ANKRD45: variants seen among roughly 807,000 people sequenced by gnomAD.
The protein encoded by ANKRD45 is ankyrin repeat domain-containing protein 45.
ANKRD45 carries 21 observed loss-of-function variants against 28.1 expected under a neutral mutation model. The ratio of observed to expected loss-of-function variants is 0.75; its 90% confidence interval spans 0.53 to 1.08. ANKRD45 has a LOEUF of 1.08. ANKRD45 is among the 50% of genes least tolerant of loss of function. ANKRD45 has a pLI of 0.00. For synonymous variants in ANKRD45, 86 were observed against 103.9 expected (o/e 0.83, Z 1.05); for missense variants, 261 against 308.7 (o/e 0.85, Z 1.16).
chr1:173,625,508 T>C (rs1260062322), intron 4 of ANKRD45, among the ~76,000 whole-genome samples: 2 of 152,162 alleles, frequency 1.3e-5, no homozygotes, highest in Non-Finnish European at 2.9e-5. Flanking sequence ...ATCGCACATA[T>C]GCAGCAAATT....
chr1:173,644,950 G>A (rs532600124), intron 3 of ANKRD45, among the ~76,000 whole-genome samples: 14 of 149,646 alleles, frequency 9.4e-5, no homozygotes, highest in African/African-American at 3.2e-4. Context: ...TCAAGATCAC[G>A]TCATTGTACT....
At chr1:173,698,002 A>G in the ANKRD45 span, among the ~76,000 whole-genome samples, 1 of 152,194 alleles carries the variant, frequency 6.6e-6, no homozygotes, top group South Asian at 2.1e-4. Flanking sequence ...AAAAAAAAAA[A>G]GCAGGAGTTG....
At chr1:173,691,366 A>C in the ANKRD45 span, among the ~76,000 whole-genome samples, 9 of 152,196 alleles carry the variant, frequency 5.9e-5, no homozygotes, top group African/African-American at 2.2e-4. Flanking sequence ...TGAACCAGAG[A>C]CCGTCCCCAG....
chr1:173,611,572 T>TACATAC (rs1164331024), intron 5 of ANKRD45, among the ~76,000 whole-genome samples: 1 of 106,312 alleles, frequency 9.4e-6, no homozygotes, highest in Non-Finnish European at 1.8e-5. Context: ...GCCTAATACA[T>TACATAC]ACATACACAC....
intron 4 of ANKRD45, among the ~76,000 whole-genome samples, chr1:173,626,572 C>A (rs999769826): frequency 1.3e-5 from 2 of 152,082 alleles, no homozygotes; most frequent in Non-Finnish European, 2.9e-5. Context: ...AGTCCAGAAC[C>A]AGAACACTAC....
At chr1:173,664,679 A>G (rs554498821) in intron 1 of ANKRD45, among the ~76,000 whole-genome samples, 82 of 152,262 alleles carry the variant, frequency 5.4e-4, no homozygotes, top group East Asian at 2.7e-3. Context: ...ACCAAATATG[A>G]TATTATATTA....
At chr1:173,710,519 A>G in the ANKRD45 span, among the ~76,000 whole-genome samples, 1 of 152,130 alleles carries the variant, frequency 6.6e-6, no homozygotes, top group South Asian at 2.1e-4. Flanking sequence ...CGCATGTGCA[A>G]TGGCCTGCTA....
chr1:173,613,541 CGGGAGGGAGGTGGGGGGTCAG>C (rs1667302620), intron 5 of ANKRD45, among the ~76,000 whole-genome samples: 1 of 136,294 alleles, frequency 7.3e-6, no homozygotes, highest in African/African-American at 3.2e-5. Flanking sequence ...CCGCCCCGTC[CGGGAGGGAGGTGGGGGGTCAG>C]CCCCCCCCCC....
Position 173,624,893 on chromosome 1 carries a change from A to C in ANKRD45, c.624T>G (p.Asn208Lys). 6.2e-7 allele frequency: 1 copy of C among 1,613,652 alleles called. No individual in the cohort carries two copies. Among genetic ancestry groups the C allele is most frequent in the South Asian group, 1.1e-5 (1 of 91,044 alleles). The change falls in exon 5 of 6, where the codon AAT becomes AAG. Residue 208 changes from asparagine (N) to lysine (K), a missense_variant. By Grantham distance (94) the Asn-to-Lys change is moderately conservative. Transcript: ENST00000333279. ...NTILSACRAK[N>K]EWLETHTEAS... ...CTTCTGTATGGGTTTCCAACCACTC[A>C]TTTTTTGCACGGCATGCACTGAGGA...
chr1:173,610,945 T>C (rs1004782835), intron 5 of ANKRD45, among the ~76,000 whole-genome samples: 1 of 152,188 alleles, frequency 6.6e-6, no homozygotes, highest in Non-Finnish European at 1.5e-5. Flanking sequence ...GCCCAGATTA[T>C]CCTCCGTACT....
chr1:173,615,825 C>A (rs891523944), intron 5 of ANKRD45, among the ~76,000 whole-genome samples: 1 of 151,960 alleles, frequency 6.6e-6, no homozygotes, highest in African/African-American at 2.4e-5. Flanking sequence ...AAATTTGGGC[C>A]GGGCACGGTG....
the ANKRD45 span, among the ~76,000 whole-genome samples, chr1:173,713,766 G>C: frequency 6.6e-6 from 1 of 151,848 alleles, no homozygotes; most frequent in Non-Finnish European, 1.5e-5. Flanking sequence ...AGCACCCATT[G>C]CCTAGCCACC....
intron 3 of ANKRD45, among the ~76,000 whole-genome samples, chr1:173,644,134 G>A (rs961964987): frequency 6.6e-6 from 1 of 152,196 alleles, no homozygotes; most frequent in African/African-American, 2.4e-5. Context: ...GGAATTTTCA[G>A]TAGAATGCAG....
intron 5 of ANKRD45, among the ~76,000 whole-genome samples, chr1:173,622,637 A>C (rs367898850): frequency 2.7e-4 from 41 of 152,296 alleles, no homozygotes; most frequent in African/African-American, 8.9e-4. Context: ...CCTTCCTTAC[A>C]CCTTATACAA....
At chr1:173,660,545 C>T (rs1228959067) in intron 1 of ANKRD45, among the ~76,000 whole-genome samples, 2 of 152,162 alleles carry the variant, frequency 1.3e-5, no homozygotes, top group African/African-American at 4.8e-5. Context: ...GACCTAGTGA[C>T]TGGCTTCTAA....
At chr1:173,625,654 G>C (rs1667902024) in intron 4 of ANKRD45, among the ~76,000 whole-genome samples, 1 of 152,034 alleles carries the variant, frequency 6.6e-6, no homozygotes, top group African/African-American at 2.4e-5. Flanking sequence ...GAAGCAGGTA[G>C]ACTTAGAGAG....
At chr1:173,708,958 A>T in the ANKRD45 span, among the ~76,000 whole-genome samples, 1 of 152,200 alleles carries the variant, frequency 6.6e-6, no homozygotes. Flanking sequence ...CAGCATCAAG[A>T]AAACTAGGAA....
chr1:173,660,901 C>T (rs538291073), intron 1 of ANKRD45, among the ~76,000 whole-genome samples: 1 of 152,250 alleles, frequency 6.6e-6, no homozygotes, highest in South Asian at 2.1e-4. Flanking sequence ...GCCTAGATTC[C>T]TGACCCACAG....
intron 5 of ANKRD45, among the ~76,000 whole-genome samples, chr1:173,615,804 A>C (rs61828921): frequency 5.7e-4 from 86 of 152,156 alleles, no homozygotes; most frequent in Non-Finnish European, 1.1e-3. Context: ...CCATCAATTG[A>C]TAAATAGATT....
Sources: allele counts gnomAD v4.1 joint callset (sites outside exome capture counted in the v4.1 genomes callset), GRCh38; gene constraint gnomAD v4.1.1; transcripts MANE v1.5; gene names NCBI Gene and HGNC (gene_info 2026-07-23, HGNC 2026-07-21).